ASB4: variants seen among roughly 807,000 people sequenced by gnomAD.
The protein encoded by ASB4 is ankyrin repeat and SOCS box containing 4, also known as ankyrin repeat and SOCS box protein 4.
A neutral mutation model predicts 38.6 loss-of-function variants in ASB4; 35 were observed. The ratio of observed to expected loss-of-function variants is 0.91; its 90% CI spans 0.69 to 1.20. The LOEUF (loss-of-function observed/expected upper bound fraction) is 1.20, where lower values mean the gene tolerates loss of function less well. Among genes scored for constraint, ASB4 ranks in the 50% most tolerant of loss-of-function variants. ASB4 has a pLI of 0.00. For missense variants in ASB4, 557 were observed against 527.2 expected, an observed-to-expected ratio of 1.06 and a Z score of -0.55; for synonymous variants, 195 against 201.3, an observed-to-expected ratio of 0.97 and a Z score of 0.26.
the ASB4 span, among the ~76,000 whole-genome samples, chr7:95,473,037 G>A: frequency 6.6e-6 from 1 of 152,122 alleles, no homozygotes; most frequent in African/African-American, 2.4e-5. Flanking sequence ...CCATGGAGTC[G>A]GTAGCTCCTA....
rs11359538 is a variant in ASB4 at position 95,505,686 on chromosome 7, T to TC, written c.487+9641dup. 5.1e-3 allele frequency among the ~76,000 whole-genome samples: 663 copies of TC among 130,518 alleles called. 3 individuals are homozygous for TC. The highest frequency in any genetic ancestry group is 0.01 in the African/African-American group (356 of 34,668). 85.6% of individuals were successfully genotyped at this position (130,518 alleles called of 152,430 possible). A position where few individuals can be genotyped will look rare whatever the true frequency, so the allele number is the denominator to read the frequency against. On this transcript the variant is annotated intron_variant, in intron 2 of 4. Coordinates refer to ENST00000325885, the MANE Select transcript of ASB4 (RefSeq NM_016116.3). ...TCTGGCTCCTTTTCCTCTATCCGTG[T>TC]CCCCCCCCCCCCAAATACTTATTCA...
chr7:95,494,254 AG>A (rs762729029), intron 1 of ASB4, among the ~76,000 whole-genome samples: 6 of 152,206 alleles, frequency 3.9e-5, no homozygotes, highest in Non-Finnish European at 8.8e-5. Context: ...ATTTCTTGTA[AG>A]GGGCAATGCC....
chr7:95,530,540 C>A (rs1790806854), intron 3 of ASB4, among the ~76,000 whole-genome samples: 1 of 152,000 alleles, frequency 6.6e-6, no homozygotes, highest in African/African-American at 2.4e-5. Context: ...CATTCCAGGC[C>A]TAAGGAAAAG....
chr7:95,502,343 G>A (rs1192121195), intron 2 of ASB4, among the ~76,000 whole-genome samples: 3 of 150,630 alleles, frequency 2.0e-5, no homozygotes, highest in African/African-American at 4.9e-5. Context: ...AACACATAGG[G>A]AAGTGCTCTT....
At chr7:95,548,659 G>A in the ASB4 span, among the ~76,000 whole-genome samples, 1 of 152,184 alleles carries the variant, frequency 6.6e-6, no homozygotes, top group African/African-American at 2.4e-5. Context: ...TCAAGGTCTA[G>A]TTACTAATTA....
At chr7:95,527,709 T>C in intron 2 of ASB4, 104 bp from the exon 3 acceptor site, 1 of 1,136,766 alleles carries the variant, frequency 8.8e-7, no homozygotes, top group Non-Finnish European at 1.2e-6. Context: ...TATACGGCAG[T>C]CAGAAGTTAA....
chr7:95,479,934 G>A (rs968997292), intron 1 of ASB4, among the ~76,000 whole-genome samples: 1 of 152,162 alleles, frequency 6.6e-6, no homozygotes, highest in Non-Finnish European at 1.5e-5. Flanking sequence ...CTTAGAATCT[G>A]CTGCTCCCAT....
intron 3 of ASB4, among the ~76,000 whole-genome samples, chr7:95,530,059 A>T (rs1790797155): frequency 6.7e-6 from 1 of 149,332 alleles, no homozygotes; most frequent in Admixed American, 6.8e-5. Flanking sequence ...ACAACAACCA[A>T]ATAAATATAC....
rs751858651 is a variant in ASB4 at position 95,486,170 on chromosome 7, T to C, written c.187+12T>C. 3.6e-5 allele frequency: 57 copies of C among 1,604,862 alleles called. No homozygotes were observed. Among genetic ancestry groups the C allele is most frequent in the Non-Finnish European group, 4.5e-5 (53 of 1,173,122 alleles). ...ATCTTATAAACAAGGTAAAAACATA[T>C]AGGTGTTATTGTAGAACTGTTAGAA... On this transcript the variant is annotated intron_variant, in intron 1 of 4. Coordinates refer to ENST00000325885, the MANE Select transcript of ASB4 (RefSeq NM_016116.3).
At chr7:95,537,179 A>G (rs1174230429) in intron 4 of ASB4, among the ~76,000 whole-genome samples, 2 of 152,196 alleles carry the variant, frequency 1.3e-5, no homozygotes, top group Non-Finnish European at 2.9e-5. Context: ...TTATTCTGCT[A>G]CTTATTGGCT....
At chr7:95,484,901 C>G (rs1410363842), upstream of ASB4, among the ~76,000 whole-genome samples, 1 of 151,002 alleles carries the variant, frequency 6.6e-6, no homozygotes, top group East Asian at 1.9e-4. Context: ...CTAGATTCAC[C>G]AAGTCTTTAA....
At position 95,527,919 on chromosome 7, in the gene ASB4, G is replaced by A. The variant is rs962140895; in HGVS notation, c.594G>A (p.Gly198=). 3.1e-6 allele frequency: 5 copies of A among 1,613,990 alleles called. No homozygotes were observed. Among genetic ancestry groups the A allele is most frequent in the East Asian group, 2.2e-5 (1 of 44,864 alleles). The change falls in exon 3 of 5, where the codon GGG becomes GGA. Residue 198 remains glycine (G), a synonymous_variant. Coordinates refer to ENST00000325885, the MANE Select transcript of ASB4 (RefSeq NM_016116.3). ...SELVAFYVEH[G]AIVDSVNAHM... The stretch of plus-strand genomic sequence containing the variant: ...TGGTGGCCTTCTACGTGGAACACGG[G>A]GCCATAGTGGACAGCGTGAATGCCC...
Position 95,536,483 on chromosome 7 carries a change from T to C in ASB4, c.1025T>C (p.Val342Ala), listed in dbSNP as rs1393204319. ...TGTCCTAAAGCAATTGAAGTTGTAG[T>C]CAATGCCTATGAACACATCAGATGG... ...HSCPKAIEVV[V>A]NAYEHIRWNT... The change falls in exon 4 of 5, where the codon GTC (valine) becomes GCC (alanine). Residue 342 changes from valine (V) to alanine (A), a missense_variant. Physicochemically the swap from Val to Ala is moderately conservative, Grantham distance 64 (BLOSUM62 0). Transcript: ENST00000325885. The C allele has an allele frequency of 2.5e-6, 4 of 1,613,538 alleles. No homozygotes were observed. The highest frequency in any genetic ancestry group is 3.4e-6 in the Non-Finnish European group (4 of 1,179,534).
chr7:95,533,755 T>C (rs1790850716), intron 3 of ASB4, among the ~76,000 whole-genome samples: 1 of 152,188 alleles, frequency 6.6e-6, no homozygotes, highest in African/African-American at 2.4e-5. Context: ...TGGGGATGAA[T>C]ATAGGACCAA....
intron 2 of ASB4, among the ~76,000 whole-genome samples, chr7:95,523,407 T>G (rs970394379): frequency 4.6e-5 from 7 of 152,144 alleles, no homozygotes; most frequent in African/African-American, 1.4e-4. Context: ...AAAGAGACAA[T>G]GAACTAAATT....
At chr7:95,496,136 C>T in intron 2 of ASB4, 79 bp downstream of exon 2, 2 of 1,352,278 alleles carry the variant, frequency 1.5e-6, no homozygotes, top group South Asian at 2.6e-5. Context: ...CTACCTACCC[C>T]AGATGATGTA....
At chr7:95,536,828 G>A (rs182833141) in intron 4 of ASB4, among the ~76,000 whole-genome samples, 1 of 152,278 alleles carries the variant, frequency 6.6e-6, no homozygotes, top group Non-Finnish European at 1.5e-5. Flanking sequence ...TAATTTAGAT[G>A]AGTTAAATGA....
chr7:95,536,567 C>T lies in ASB4; in HGVS notation c.1092+17C>T, dbSNP rs1420709943. 6.5e-7 allele frequency: 1 copy of T among 1,539,758 alleles called. No homozygotes were observed. Among genetic ancestry groups the T allele is most frequent in the South Asian group, 1.1e-5 (1 of 88,874 alleles). On this transcript the variant is annotated intron_variant, in intron 4 of 4. Coordinates refer to ENST00000325885, the MANE Select transcript of ASB4 (RefSeq NM_016116.3). ...GACTTGGAGGTAAATAATCGATTCCCTTCTAATAGTTTTCACTATCAAGTA... is the reference window on the plus strand; with the variant it reads ...GACTTGGAGGTAAATAATCGATTCCTTTCTAATAGTTTTCACTATCAAGTA...
At chr7:95,499,989 T>C (rs1349414641) in intron 2 of ASB4, among the ~76,000 whole-genome samples, 1 of 147,932 alleles carries the variant, frequency 6.8e-6, no homozygotes, top group Non-Finnish European at 1.5e-5. Flanking sequence ...TTCTCCTGCC[T>C]CAGCCTCCCA....
Sources: allele counts gnomAD v4.1 joint callset (sites outside exome capture counted in the v4.1 genomes callset), GRCh38; gene constraint gnomAD v4.1.1; transcripts MANE v1.5; gene names NCBI Gene and HGNC (gene_info 2026-07-23, HGNC 2026-07-21).